The following PCSK5 variants were observed in gnomAD, a reference collection of about 807,000 sequenced individuals.
The protein encoded by PCSK5 is proprotein convertase subtilisin/kexin type 5.
In PCSK5, 129 loss-of-function variants were observed where a neutral mutation model predicts 233.2. The ratio of observed to expected loss-of-function variants is 0.55; its 90% confidence interval spans 0.48 to 0.64. PCSK5 has a LOEUF of 0.64. PCSK5 is among the 30% of genes least tolerant of loss of function. PCSK5 has a pLI of 0.00. For missense variants in PCSK5, 2,076 were observed against 2,430.1 expected, an observed-to-expected ratio of 0.85 and a Z score of 3.06; for synonymous variants, 825 against 879.2, an observed-to-expected ratio of 0.94 and a Z score of 1.09.
chr9:76,221,786 A>G (rs10781348), intron 20 of PCSK5, among the ~76,000 whole-genome samples: 41,935 of 152,104 alleles, frequency 0.28, 6,842 homozygotes, highest in East Asian at 0.66. Context: ...TCCACAATTT[A>G]CGATCCATCC....
intron 2 of PCSK5, among the ~76,000 whole-genome samples, chr9:75,957,271 T>C (rs1158670321): frequency 1.3e-5 from 2 of 152,210 alleles, no homozygotes; most frequent in Non-Finnish European, 2.9e-5. Flanking sequence ...ATCCATAAGA[T>C]GGCTTCTACT....
At chr9:76,167,206 C>T (rs893050718) in intron 12 of PCSK5, among the ~76,000 whole-genome samples, 3 of 151,184 alleles carry the variant, frequency 2.0e-5, no homozygotes, top group Admixed American at 6.6e-5. Flanking sequence ...TCCTCTATTT[C>T]GAGAGGGAAC....
intron 20 of PCSK5, chr9:76,193,132 T>G: frequency 2.1e-6 from 2 of 956,130 alleles, no homozygotes. Flanking sequence ...TCTCTTCCAA[T>G]TCCCCAAATC....
In PCSK5 at chr9:76,135,212, C is replaced by T. The variant is rs925950304; in HGVS notation, c.1312+1000C>T. ...TTTGGATGCTAAGTAATATTATCTA[C>T]GTATCATATCTTACATATGATCTTT... On this transcript the variant is annotated intron_variant, in intron 10 of 37. Coordinates refer to ENST00000674117, the MANE Select transcript of PCSK5 (RefSeq NM_001372043.1). Among the ~76,000 whole-genome samples, 14 of 152,074 alleles carry T rather than the reference C, an allele frequency of 9.2e-5. No individual in the cohort carries two copies. The East Asian group carries it at 2.5e-3, about 27-fold the overall frequency.
intron 12 of PCSK5, among the ~76,000 whole-genome samples, chr9:76,168,509 T>C (rs1442669214): frequency 6.6e-6 from 1 of 152,192 alleles, no homozygotes. Context: ...AGGGAATCTG[T>C]TTGTTTTCTT....
At chr9:75,920,520 C>T (rs1823207644) in intron 1 of PCSK5, among the ~76,000 whole-genome samples, 1 of 152,114 alleles carries the variant, frequency 6.6e-6, no homozygotes, top group South Asian at 2.1e-4. Flanking sequence ...CTATAAAGCT[C>T]AAGGCTGGGT....
intron 5 of PCSK5, among the ~76,000 whole-genome samples, chr9:76,062,928 AC>A (rs1830082114): frequency 6.6e-6 from 1 of 152,006 alleles, no homozygotes; most frequent in Non-Finnish European, 1.5e-5. Context: ...TGTACCTATT[AC>A]CCAATGCCTC....
chr9:76,077,407 T>C (rs1254969831), intron 7 of PCSK5, among the ~76,000 whole-genome samples: 1 of 152,212 alleles, frequency 6.6e-6, no homozygotes, highest in East Asian at 1.9e-4. Flanking sequence ...AGACTCCTTC[T>C]TTGGTCTTTT....
intron 30 of PCSK5, among the ~76,000 whole-genome samples, chr9:76,315,028 C>G (rs1587315685): frequency 6.6e-6 from 1 of 151,970 alleles, no homozygotes. Flanking sequence ...TCTCAGCTCA[C>G]TGCAACCTCT....
intron 10 of PCSK5, among the ~76,000 whole-genome samples, chr9:76,138,137 G>T (rs374304250): frequency 6.6e-6 from 1 of 152,122 alleles, no homozygotes; most frequent in South Asian, 2.1e-4. Context: ...CAGAAAGTGG[G>T]AGGGGAAGAA....
At chr9:76,067,163 A>G (rs1830316812) in intron 5 of PCSK5, among the ~76,000 whole-genome samples, 1 of 152,254 alleles carries the variant, frequency 6.6e-6, no homozygotes, top group Non-Finnish European at 1.5e-5. Flanking sequence ...TCCTTGAAAG[A>G]GGATCTTAAA....
intron 34 of PCSK5, among the ~76,000 whole-genome samples, chr9:76,337,664 G>C (rs1178048996): frequency 4.0e-5 from 6 of 151,654 alleles, no homozygotes; most frequent in Non-Finnish European, 7.4e-5. Flanking sequence ...AGTAGAGACA[G>C]GGTTTCACCA....
intron 1 of PCSK5, among the ~76,000 whole-genome samples, chr9:75,912,510 G>C (rs1822789711): frequency 6.6e-6 from 1 of 152,118 alleles, no homozygotes; most frequent in African/African-American, 2.4e-5. Flanking sequence ...GATGGGGCTG[G>C]AGATTCAGCA....
chr9:76,314,893 G>A (rs535348428), intron 30 of PCSK5, among the ~76,000 whole-genome samples: 1 of 151,992 alleles, frequency 6.6e-6, no homozygotes, highest in Non-Finnish European at 1.5e-5. Context: ...GACCACCGTG[G>A]CCTCCCAAAG....
intron 20 of PCSK5, among the ~76,000 whole-genome samples, chr9:76,218,000 A>G (rs940903332): frequency 2.0e-5 from 3 of 152,136 alleles, no homozygotes; most frequent in African/African-American, 7.2e-5. Context: ...ATGTGTCCTG[A>G]TACCTGCCAA....
At position 75,930,731 on chromosome 9, in the gene PCSK5, A is replaced by G. The variant is rs142012267; in HGVS notation, c.193-1648A>G. On this transcript the variant is annotated intron_variant, in intron 1 of 37. Transcript: ENST00000674117. ...GGAAATTCTGTTTCTTTCCACGAGA[A>G]CTACTGTATTTACCAAAGAGTGCTT... Among the ~76,000 whole-genome samples, 585 of 152,306 alleles carry G rather than the reference A, an allele frequency of 3.8e-3. 2 individuals are homozygous for G. Among genetic ancestry groups the G allele is most frequent in the African/African-American group, 0.013 (558 of 41,582 alleles).
chr9:76,021,105 G>A (rs1828165685), intron 3 of PCSK5, among the ~76,000 whole-genome samples: 1 of 152,164 alleles, frequency 6.6e-6, no homozygotes, highest in African/African-American at 2.4e-5. Context: ...GAAGAAGTCA[G>A]AGCAGTACAC....
rs909100962 is a variant in PCSK5 at position 76,233,672 on chromosome 9, C to T, written c.2866+76C>T. 2.9e-6 allele frequency: 4 copies of T among 1,392,688 alleles called. No homozygotes were observed. The Admixed American group carries it at 7.1e-5, about 25-fold the overall frequency. The allele number at this position is 1,392,688 out of a possible 1,614,324, so 86.3% of individuals were successfully genotyped here. On this transcript the variant is annotated intron_variant, in intron 22 of 37. Transcript: ENST00000674117. ...CTGATGGCCATCATTTGGTTTGACCCAAAAGCCTTGTGTCTGGGGCTGAGG... is the reference window on the plus strand; with the variant it reads ...CTGATGGCCATCATTTGGTTTGACCTAAAAGCCTTGTGTCTGGGGCTGAGG...
intron 22 of PCSK5, among the ~76,000 whole-genome samples, chr9:76,234,064 A>ATTTACCCAGATTTACCTAC (rs1269254897): frequency 2.6e-5 from 4 of 152,144 alleles, no homozygotes; most frequent in Non-Finnish European, 5.9e-5. Flanking sequence ...ATTTACCTGC[A>ATTTACCCAGATTTACCTAC]CTAAAAGTTT....
Sources: gnomAD v4.1 joint callset for allele counts (sites outside exome capture counted in the v4.1 genomes callset) on GRCh38, gnomAD v4.1.1 for gene constraint, MANE v1.5 for transcripts, NCBI Gene and HGNC (gene_info 2026-07-23, HGNC 2026-07-21) for gene names.